LRRC8C: variants seen among roughly 807,000 people sequenced by gnomAD.
LRRC8C encodes the protein volume-regulated anion channel subunit LRRC8C.
In LRRC8C, 20 loss-of-function variants were observed where a neutral mutation model predicts 55.3. The ratio of observed to expected loss-of-function variants is 0.36; its 90% CI spans 0.25 to 0.53. LRRC8C has a LOEUF of 0.53. Ranked by LOEUF, LRRC8C falls within the 20% of genes least tolerant of loss-of-function variation. LRRC8C has a pLI of 0.92. For synonymous variants in LRRC8C, 376 were observed against 360.7 expected (o/e 1.04, Z -0.48); for missense variants, 659 against 951.4 (o/e 0.69, Z 4.04).
chr1:89,653,338 A>G (rs997208881), intron 1 of LRRC8C, among the ~76,000 whole-genome samples: 2 of 152,192 alleles, frequency 1.3e-5, no homozygotes, highest in African/African-American at 4.8e-5. Context: ...AAACAAAAGA[A>G]CAAAAAGATG....
chr1:89,619,969 T>C, the LRRC8C span, among the ~76,000 whole-genome samples: 2 of 152,206 alleles, frequency 1.3e-5, no homozygotes, highest in East Asian at 3.8e-4. Flanking sequence ...GATTAATGAC[T>C]ATAGAGTAGT....
intron 2 of LRRC8C, among the ~76,000 whole-genome samples, chr1:89,709,916 T>TA (rs1216167897): frequency 1.3e-5 from 2 of 152,090 alleles, no homozygotes; most frequent in African/African-American, 4.8e-5. Flanking sequence ...CGCGCCCGGC[T>TA]AATTTTTTGT....
the LRRC8C span, among the ~76,000 whole-genome samples, chr1:89,617,772 C>T: frequency 6.6e-6 from 1 of 152,168 alleles, no homozygotes; most frequent in African/African-American, 2.4e-5. Flanking sequence ...TTAATGACTC[C>T]TATGACCCTC....
At chr1:89,650,326 G>T (rs1425308684) in intron 1 of LRRC8C, among the ~76,000 whole-genome samples, 1 of 152,086 alleles carries the variant, frequency 6.6e-6, no homozygotes, top group African/African-American at 2.4e-5. Context: ...GGCAAAACTG[G>T]TGCAAAGAGT....
chr1:89,666,919 C>T (rs541124970), intron 1 of LRRC8C, among the ~76,000 whole-genome samples: 1 of 152,114 alleles, frequency 6.6e-6, no homozygotes, highest in East Asian at 1.9e-4. Flanking sequence ...ATGAGTAATA[C>T]CCGTATAGTA....
intron 2 of LRRC8C, among the ~76,000 whole-genome samples, chr1:89,704,107 T>G (rs1198968426): frequency 1.3e-5 from 2 of 152,114 alleles, no homozygotes; most frequent in African/African-American, 4.8e-5. Context: ...ATTTGAGTTT[T>G]CTAATATGCA....
At chr1:89,643,419 A>G (rs1052951974) in intron 1 of LRRC8C, among the ~76,000 whole-genome samples, 2 of 152,244 alleles carry the variant, frequency 1.3e-5, no homozygotes, top group African/African-American at 4.8e-5. Flanking sequence ...ACAAATAGCT[A>G]CATTACCAGG....
the LRRC8C span, among the ~76,000 whole-genome samples, chr1:89,627,009 G>A: frequency 3.5e-5 from 4 of 113,264 alleles, no homozygotes; most frequent in African/African-American, 1.1e-4. Flanking sequence ...ACACACACAC[G>A]TTTAAGTTTC....
At chr1:89,701,850 G>A (rs1436451311) in intron 2 of LRRC8C, among the ~76,000 whole-genome samples, 2 of 152,112 alleles carry the variant, frequency 1.3e-5, no homozygotes, top group Non-Finnish European at 2.9e-5. Flanking sequence ...CAAATGGAAC[G>A]CTGAATGGGT....
intron 2 of LRRC8C, among the ~76,000 whole-genome samples, chr1:89,704,040 G>A (rs1433445220): frequency 2.0e-5 from 3 of 152,026 alleles, no homozygotes; most frequent in Non-Finnish European, 4.4e-5. Flanking sequence ...GTTAATATTA[G>A]ATAGCATTTA....
At chr1:89,696,001 C>G (rs936293030) in intron 2 of LRRC8C, among the ~76,000 whole-genome samples, 5 of 152,204 alleles carry the variant, frequency 3.3e-5, no homozygotes. Flanking sequence ...GGCAATTACT[C>G]TGATCCTCCC....
At chr1:89,652,374 C>T (rs924825694) in intron 1 of LRRC8C, among the ~76,000 whole-genome samples, 1 of 152,076 alleles carries the variant, frequency 6.6e-6, no homozygotes, top group Non-Finnish European at 1.5e-5. Context: ...TGCATCTCTT[C>T]TGAAAAGAGA....
Position 89,686,503 on chromosome 1 carries a change from C to G in LRRC8C, c.30C>G (p.Phe10Leu), listed in dbSNP as rs746141407. MIPVTEFRQ[F>L]SEQQPAFRVL... ...TTCCCGTGACAGAATTCCGGCAGTT[C>G]TCTGAGCAGCAGCCTGCCTTCCGAG... Residue 10 changes from phenylalanine to leucine, a missense_variant, in exon 2 of 3, where the codon TTC becomes TTG. Phe to Leu is a conservative substitution (Grantham distance 22, BLOSUM62 0). Around this residue, in one of 5 missense-constraint regions of LRRC8C, gnomAD observed 16 missense variants for 16.6 expected, o/e 0.96. Coordinates refer to ENST00000370454, the MANE Select transcript of LRRC8C (RefSeq NM_032270.5). The G allele has an allele frequency of 6.2e-7, 1 of 1,614,190 alleles. No individual in the cohort carries two copies. The highest frequency in any genetic ancestry group is 8.5e-7 in the Non-Finnish European group (1 of 1,180,018).
At chr1:89,673,261 C>T (rs565990472) in intron 1 of LRRC8C, among the ~76,000 whole-genome samples, 21 of 152,212 alleles carry the variant, frequency 1.4e-4, no homozygotes, top group Admixed American at 9.2e-4. Context: ...ACCCGCAATC[C>T]GCCTTTTTAA....
At position 89,714,539 on chromosome 1, in the gene LRRC8C, A is replaced by G; in HGVS notation, c.1969A>G (p.Lys657Glu). 6.2e-7 allele frequency: 1 copy of G among 1,614,134 alleles called. No individual in the cohort carries two copies. Among genetic ancestry groups the G allele is most frequent in the South Asian group, 1.1e-5 (1 of 91,080 alleles). Residue 657 changes from lysine (K) to glutamate (E), a missense_variant, in exon 3 of 3, where the codon AAG becomes GAG. Around this residue, in one of 5 missense-constraint regions of LRRC8C, gnomAD observed 344 missense variants for 464.6 expected, o/e 0.74. Transcript: ENST00000370454. The surrounding 1 kb of genome is among the most constrained non-coding windows in gnomAD (Gnocchi z 4.6). ...NSITYIPEHI[K>E]KLTSLERLSF... ...CATCACCTACATCCCAGAGCATATA[A>G]AGAAACTCACCAGCCTGGAACGCCT...
rs1658757878 is a variant in LRRC8C, at chr1:89,714,620, A to C, written c.2050A>C (p.Lys684Gln). 2 of 1,614,152 alleles carry C rather than the reference A, an allele frequency of 1.2e-6. No homozygotes were observed. The highest frequency in any genetic ancestry group is 1.6e-4 in the Middle Eastern group (1 of 6,062). Residue 684 changes from lysine to glutamine, a missense_variant, in exon 3 of 3, where the codon AAG (lysine) becomes CAG (glutamine). Physicochemically the swap from Lys to Gln is moderately conservative, Grantham distance 53. This residue lies in a region of LRRC8C where 344 missense variants were observed against 464.6 expected (regional missense o/e 0.74). Transcript: ENST00000370454. This position sits in a 1 kb window ranked among gnomAD's most constrained non-coding sequence, Gnocchi z 4.6. ...GCCTTCCCACCTCTTCCTATGCAAC[A>C]AGATCCGATACTTGGACTTATCGTA... Reference protein sequence around the residue: ...VLPSHLFLCNKIRYLDLSYND... With the variant: ...VLPSHLFLCNQIRYLDLSYND...
intron 1 of LRRC8C, among the ~76,000 whole-genome samples, chr1:89,675,420 C>T (rs764822764): frequency 2.6e-5 from 4 of 152,222 alleles, no homozygotes; most frequent in Admixed American, 6.5e-5. Flanking sequence ...CAGCATTCCC[C>T]GCACATGGCT....
At chr1:89,680,200 C>T (rs1657661500) in intron 1 of LRRC8C, among the ~76,000 whole-genome samples, 1 of 151,890 alleles carries the variant, frequency 6.6e-6, no homozygotes. Context: ...GTCTCAGCCT[C>T]CCGAGTAGCT....
chr1:89,622,509 A>C, the LRRC8C span, among the ~76,000 whole-genome samples: 4 of 151,638 alleles, frequency 2.6e-5, no homozygotes, highest in African/African-American at 9.7e-5. Flanking sequence ...ATTTTTTTGT[A>C]TTTTTAGTAG....
Sources: gnomAD v4.1 joint callset for allele counts (sites outside exome capture counted in the v4.1 genomes callset) on GRCh38, gnomAD v4.1.1 for gene constraint, gnomAD v4.1.1 regional missense constraint, Gnocchi (gnomAD v3.1) non-coding constraint, MANE v1.5 for transcripts, NCBI Gene and HGNC (gene_info 2026-07-23, HGNC 2026-07-21) for gene names.